Variants in PEF1 observed in about 807,000 individuals in gnomAD.
The protein encoded by PEF1 is penta-EF-hand domain containing 1, also known as peflin.
A neutral mutation model predicts 32.0 loss-of-function variants in PEF1; 17 were observed. That is an observed-to-expected ratio of 0.53 (90% CI 0.36 to 0.80). The LOEUF (loss-of-function observed/expected upper bound fraction) is 0.80. Among genes scored for constraint, PEF1 ranks in the 30% least tolerant of loss-of-function variants. PEF1 has a pLI of 0.00. For synonymous variants in PEF1, 130 were observed against 139.8 expected, an observed-to-expected ratio of 0.93 and a Z score of 0.50; for missense variants, 362 against 369.1, an observed-to-expected ratio of 0.98 and a Z score of 0.16.
chr1:31,635,419 C>A lies in PEF1; in HGVS notation c.128G>T (p.Gly43Val). The A allele has an allele frequency of 1.2e-6, 2 of 1,612,606 alleles. No homozygotes were observed. Among genetic ancestry groups the A allele is most frequent in the Non-Finnish European group, 1.7e-6 (2 of 1,179,322 alleles). ...GGQYGSGLPP[G>V]GGYGGPAPGG... Reference sequence around the variant, plus strand: ...AGGGGCAGGACCCCCATAACCACCACCAGGGGGTAGCCCACTACCATACTG... The same window carrying A: ...AGGGGCAGGACCCCCATAACCACCAACAGGGGGTAGCCCACTACCATACTG... The change falls in exon 2 of 5, where the codon GGT becomes GTT. Residue 43 changes from glycine to valine, a missense_variant. Transcript: ENST00000373703.
chr1:31,644,565 G>A (rs1277249773), intron 1 of PEF1: 1 of 1,408,412 alleles, frequency 7.1e-7, no homozygotes, highest in Admixed American at 3.1e-5. Flanking sequence ...TGGAGCCCAG[G>A]CCAGCGCCAG....
In PEF1 at chr1:31,644,833, ACACT is replaced by A; in HGVS notation, c.24+4_24+7del. On this transcript the variant is annotated splice_donor_5th_base_variant and intron_variant, in intron 1 of 4. Coordinates refer to ENST00000373703, the MANE Select transcript of PEF1 (RefSeq NM_012392.4). ...CTACCTGGATTCGCGGGCCCCTCACACACTCACCTGCCGGTAAGGATAGCTGGCC... is the reference window on the plus strand; with the variant it reads ...CTACCTGGATTCGCGGGCCCCTCACACACCTGCCGGTAAGGATAGCTGGCC... 6.2e-7 allele frequency: 1 copy of A among 1,613,754 alleles called. No homozygotes were observed. Among genetic ancestry groups the A allele is most frequent in the Non-Finnish European group, 8.5e-7 (1 of 1,179,828 alleles).
intron 1 of PEF1, among the ~76,000 whole-genome samples, chr1:31,640,956 T>C (rs999795631): frequency 2.6e-5 from 4 of 151,872 alleles, no homozygotes; most frequent in African/African-American, 9.7e-5. Context: ...AACTAAGGGG[T>C]TAAACAATCA....
intron 2 of PEF1, among the ~76,000 whole-genome samples, chr1:31,633,722 G>A (rs546738539): frequency 1.1e-4 from 16 of 152,248 alleles, no homozygotes; most frequent in South Asian, 4.1e-4. Context: ...TTGGGAAGCC[G>A]AGGCAGGCGG....
intron 1 of PEF1, among the ~76,000 whole-genome samples, chr1:31,641,593 G>A (rs1040918637): frequency 1.3e-5 from 2 of 152,166 alleles, no homozygotes; most frequent in African/African-American, 2.4e-5. Flanking sequence ...ATACTAGGCT[G>A]TCTTACCTGC....
chr1:31,635,087 A>T, intron 2 of PEF1, 135 bp downstream of exon 2: 1 of 1,079,946 alleles, frequency 9.3e-7, no homozygotes, highest in Non-Finnish European at 1.4e-6. Flanking sequence ...TTTTGAGGAT[A>T]CACACTGAAG....
chr1:31,640,509 G>A (rs1640367004), intron 1 of PEF1, among the ~76,000 whole-genome samples: 1 of 152,104 alleles, frequency 6.6e-6, no homozygotes, highest in Non-Finnish European at 1.5e-5. Context: ...GGGGAAGGCT[G>A]GATTGGGTGA....
chr1:31,643,218 T>C (rs551239496), intron 1 of PEF1, among the ~76,000 whole-genome samples: 1 of 152,392 alleles, frequency 6.6e-6, no homozygotes, highest in East Asian at 1.9e-4. Flanking sequence ...TGGTTAGATA[T>C]GTTTAAGAAA....
chr1:31,631,898 C>G (rs937373248), intron 4 of PEF1, among the ~76,000 whole-genome samples: 3 of 146,062 alleles, frequency 2.1e-5, no homozygotes, highest in Non-Finnish European at 4.6e-5. Flanking sequence ...TTTCTCCCTC[C>G]TGGGTGGCAA....
Position 31,635,253 on chromosome 1 carries a change from G to A in PEF1, c.294C>T (p.Tyr98=), listed in dbSNP as rs368196605. 26 of 1,614,026 alleles carry A rather than the reference G, an allele frequency of 1.6e-5. No individual in the cohort carries two copies. The highest frequency in any genetic ancestry group is 5.3e-5 in the African/African-American group (4 of 74,930). The change falls in exon 2 of 5, where the codon TAC becomes TAT. Residue 98 remains tyrosine (Y), a synonymous_variant. Coordinates refer to ENST00000373703, the MANE Select transcript of PEF1 (RefSeq NM_012392.4). ...CATAAAGCCCAGGCTGCTGGGCACC[G>A]TAGGAACTTGGAGGTGGCTGACCAT... ...GPYGQPPPSS[Y]GAQQPGLYGQ... is the part of the protein sequence containing the mutation.
At chr1:31,640,549 G>C (rs1432590678) in intron 1 of PEF1, among the ~76,000 whole-genome samples, 1 of 152,106 alleles carries the variant, frequency 6.6e-6, no homozygotes, top group African/African-American at 2.4e-5. Flanking sequence ...CCAGAAATCA[G>C]GGACTCTTAG....
chr1:31,639,267 G>A (rs973727050), intron 1 of PEF1, among the ~76,000 whole-genome samples: 3 of 152,174 alleles, frequency 2.0e-5, no homozygotes, highest in African/African-American at 7.2e-5. Context: ...AGAAAGGCAG[G>A]CCCTCTATAC....
intron 1 of PEF1, chr1:31,644,089 C>A (rs963868889): frequency 6.6e-6 from 1 of 152,552 alleles, no homozygotes; most frequent in African/African-American, 2.4e-5. Context: ...GGGCTCACAA[C>A]TATTTAGGTG....
In PEF1 at chr1:31,630,652, G is replaced by A. The variant is rs758749113; in HGVS notation, c.816C>T (p.Phe272=). The change falls in exon 5 of 5, where the codon TTC becomes TTT. Residue 272 remains phenylalanine, a synonymous_variant. Transcript: ENST00000373703. The part of the protein sequence containing the change: ...TAVQGNIRLS[F]EDFVTMTASR... Reference sequence around the variant, plus strand: ...AAGCTGTCATGGTGACGAAGTCCTCGAAGCTGAGCCGAATGTTGCCTTGTA... The same window carrying A: ...AAGCTGTCATGGTGACGAAGTCCTCAAAGCTGAGCCGAATGTTGCCTTGTA... 7.4e-6 allele frequency: 12 copies of A among 1,612,834 alleles called. No homozygotes were observed. The highest frequency in any genetic ancestry group is 2.2e-5 in the South Asian group (2 of 91,024).
rs140595911 is a variant in PEF1, at chr1:31,633,309, C to T, written c.331G>A (p.Ala111Thr). 4,227 of 1,610,598 alleles carry T rather than the reference C, an allele frequency of 2.6e-3. 23 individuals carry two copies. The highest frequency in any genetic ancestry group is 0.012 in the South Asian group (1,124 of 90,746). Residue 111 changes from alanine to threonine, a missense_variant, in exon 3 of 5, where the codon GCC (alanine) becomes ACC (threonine). Transcript: ENST00000373703. ...GCCTCAGGATCCACATTGGGAGGGGCGCCACCTGGAGGAAGGGGTGTGAAG... is the reference window on the plus strand; with the variant it reads ...GCCTCAGGATCCACATTGGGAGGGGTGCCACCTGGAGGAAGGGGTGTGAAG... ...QQPGLYGQGGAPPNVDPEAYS... is the reference protein window; with the variant it reads ...QQPGLYGQGGTPPNVDPEAYS...
At position 31,633,085 on chromosome 1, in the gene PEF1, C is replaced by T. The variant is rs1425328656; in HGVS notation, c.481+74G>A. 10 of 1,499,456 alleles carry T rather than the reference C, an allele frequency of 6.7e-6. No homozygotes were observed. In the East Asian group the frequency reaches 1.6e-4, roughly 24 times the overall value. 92.9% of individuals were successfully genotyped at this position (1,499,456 alleles called of 1,614,324 possible). On this transcript the variant is annotated intron_variant, in intron 3 of 4. Coordinates refer to ENST00000373703, the MANE Select transcript of PEF1 (RefSeq NM_012392.4). Reference sequence around the variant, plus strand: ...ATTTCTCTTCAGAATGTCCACCCACCCACCTACCCACCTACTGTCCACTAT... The same window carrying T: ...ATTTCTCTTCAGAATGTCCACCCACTCACCTACCCACCTACTGTCCACTAT...
intron 1 of PEF1, among the ~76,000 whole-genome samples, chr1:31,642,862 T>G (rs1185867837): frequency 1.3e-5 from 2 of 152,174 alleles, no homozygotes; most frequent in African/African-American, 4.8e-5. Context: ...TTTATACAGG[T>G]GAGGAAGCTG....
chr1:31,644,648 G>C, intron 1 of PEF1, 193 bp downstream of exon 1: 1 of 1,438,584 alleles, frequency 7.0e-7, no homozygotes, highest in Admixed American at 2.6e-5. Context: ...ACGACCTCGC[G>C]AATGTGCGGT....
rs752605388 is a variant in PEF1 at position 31,632,609 on chromosome 1, T to A, written c.511A>T (p.Ile171Phe). Residue 171 changes from isoleucine (I) to phenylalanine (F), a missense_variant, in exon 4 of 5, where the codon ATC (isoleucine) becomes TTC (phenylalanine). By Grantham distance (21) the Ile-to-Phe change is conservative (BLOSUM62 0). Transcript: ENST00000373703. ...AGGGCTGAGAAGCCGTAGACATCGA[T>A]GCGGCCTGACTTGGTCTTGTCAAAC... ...NMFDKTKSGR[I>F]DVYGFSALWK... 1 of 1,614,088 alleles carries A rather than the reference T, an allele frequency of 6.2e-7. No homozygotes were observed. The highest frequency in any genetic ancestry group is 8.5e-7 in the Non-Finnish European group (1 of 1,180,006).
Sources: allele counts gnomAD v4.1 joint callset (sites outside exome capture counted in the v4.1 genomes callset), GRCh38; gene constraint gnomAD v4.1.1; transcripts MANE v1.5; gene names NCBI Gene and HGNC (gene_info 2026-07-23, HGNC 2026-07-21).